Variants in SLC13A1 observed in about 807,000 individuals in gnomAD.
The protein encoded by SLC13A1 is solute carrier family 13 member 1.
SLC13A1 carries 65 observed loss-of-function variants against 70.0 expected under a neutral mutation model. The ratio of observed to expected loss-of-function variants is 0.93; its 90% CI spans 0.76 to 1.14. The LOEUF (loss-of-function observed/expected upper bound fraction) is 1.14, where lower values mean the gene tolerates loss of function less well. Among genes scored for constraint, SLC13A1 ranks in the 50% most tolerant of loss-of-function variants. SLC13A1 has a pLI of 0.00. For missense variants in SLC13A1, 726 were observed against 717.8 expected, an observed-to-expected ratio of 1.01 and a Z score of -0.13; for synonymous variants, 275 against 250.5, an observed-to-expected ratio of 1.10 and a Z score of -0.92.
At chr7:123,179,645 CCTTCCCTCCTG>C (rs1279053985) in intron 2 of SLC13A1, among the ~76,000 whole-genome samples, 1 of 152,096 alleles carries the variant, frequency 6.6e-6, no homozygotes, top group Non-Finnish European at 1.5e-5. Flanking sequence ...TCCCAGGCAC[CCTTCCCTCCTG>C]CTTCCCTCTA....
intron 12 of SLC13A1, among the ~76,000 whole-genome samples, chr7:123,122,788 A>G (rs28364217): frequency 5.9e-5 from 9 of 152,134 alleles, no homozygotes; most frequent in African/African-American, 2.2e-4. Context: ...GCAAACGAAA[A>G]GTATATTTCA....
chr7:123,139,498 G>T (rs984081105), intron 7 of SLC13A1, among the ~76,000 whole-genome samples: 2 of 151,832 alleles, frequency 1.3e-5, no homozygotes, highest in Non-Finnish European at 2.9e-5. Context: ...TCTGTAGATT[G>T]CTTTGAGTAG....
chr7:123,133,822 G>C (rs1264504582), intron 8 of SLC13A1, among the ~76,000 whole-genome samples: 2 of 151,708 alleles, frequency 1.3e-5, no homozygotes, highest in Admixed American at 6.6e-5. Context: ...GAGCCACTGT[G>C]CCTGGCCCTA....
chr7:123,130,813 G>T (rs12706490), intron 8 of SLC13A1, among the ~76,000 whole-genome samples: 35,193 of 151,992 alleles, frequency 0.23, 4,742 homozygotes, highest in East Asian at 0.37. Flanking sequence ...TAATTTTCCT[G>T]TTTATTTCCA....
rs552323366 is a variant in SLC13A1 at position 123,190,424 on chromosome 7, A to G, written c.100-9323T>C. 202 of 357,590 alleles carry G rather than the reference A, an allele frequency of 5.6e-4. 1 individual carries two copies. Among genetic ancestry groups the G allele is most frequent in the African/African-American group, 3.5e-3 (164 of 46,570 alleles). The allele number at this position is 357,590 out of a possible 1,614,324, so 22.2% of individuals were successfully genotyped here. A position where few individuals can be genotyped will look rare whatever the true frequency, so the allele number is the denominator to read the frequency against. On this transcript the variant is annotated intron_variant, in intron 1 of 14. Coordinates refer to ENST00000194130, the MANE Select transcript of SLC13A1 (RefSeq NM_022444.4). ...GCTTACTCTTTCCAGAATTGTTTAA[A>G]CTCCCTTTATGAGAGAAATGGCTGG...
intron 2 of SLC13A1, among the ~76,000 whole-genome samples, chr7:123,180,154 C>T (rs995124215): frequency 6.6e-6 from 1 of 152,068 alleles, no homozygotes; most frequent in African/African-American, 2.4e-5. Context: ...AAAAGATCGA[C>T]TGGGGCTCCA....
intron 1 of SLC13A1, among the ~76,000 whole-genome samples, chr7:123,193,967 C>T (rs994188535): frequency 2.0e-5 from 3 of 152,122 alleles, no homozygotes; most frequent in African/African-American, 7.2e-5. Context: ...TTCTCTCCTT[C>T]CTATCAGGTC....
At chr7:123,175,395 C>T (rs1281551611) in intron 2 of SLC13A1, among the ~76,000 whole-genome samples, 1 of 152,028 alleles carries the variant, frequency 6.6e-6, no homozygotes, top group African/African-American at 2.4e-5. Context: ...ATCTCTTTTG[C>T]AGTTTGGCTC....
At chr7:123,171,744 G>A in intron 3 of SLC13A1, 24 bp downstream of exon 3, 3 of 1,611,854 alleles carry the variant, frequency 1.9e-6, no homozygotes, top group Non-Finnish European at 2.5e-6. Flanking sequence ...CAGGTAAACT[G>A]GAAGCAGTAA....
chr7:123,134,012 A>AG (rs1423481781), intron 8 of SLC13A1, among the ~76,000 whole-genome samples: 8 of 151,558 alleles, frequency 5.3e-5, no homozygotes, highest in Non-Finnish European at 1.2e-4. Flanking sequence ...TGGTCCTTTT[A>AG]GGGGGGAGGT....
In SLC13A1 at chr7:123,129,489, G is replaced by A. The variant is rs761252575; in HGVS notation, c.933-8C>T. On this transcript the variant is annotated splice_region_variant and splice_polypyrimidine_tract_variant and intron_variant, in intron 8 of 14. Transcript: ENST00000194130. ...TTGAACATCTCCTTAAAACTGCAAA[G>A]AATAATTAAGCCTGTAAGCAAGAAA... 6.2e-6 allele frequency: 10 copies of A among 1,607,100 alleles called. No homozygotes were observed. In the East Asian group the frequency reaches 6.7e-5, roughly 11 times the overall value.
intron 6 of SLC13A1, 81 bp downstream of exon 6, chr7:123,168,293 G>A (rs28364230): frequency 4.4e-6 from 4 of 906,596 alleles, no homozygotes; most frequent in Non-Finnish European, 6.8e-6. Context: ...CAAGTGGCAG[G>A]TTTTAAAATG....
chr7:123,134,621 T>C, intron 7 of SLC13A1, 92 bp from the exon 8 acceptor site: 1 of 1,243,866 alleles, frequency 8.0e-7, no homozygotes, highest in Non-Finnish European at 1.1e-6. Flanking sequence ...ACCTCTTTCC[T>C]GTGTTTCTGT....
intron 3 of SLC13A1, 31 bp from the exon 4 acceptor site, chr7:123,169,366 G>A: frequency 6.3e-7 from 1 of 1,598,900 alleles, no homozygotes; most frequent in South Asian, 1.1e-5. Flanking sequence ...TTGTGGAGCT[G>A]TGCTCTTAGC....
At chr7:123,149,750 A>C (rs1285729047) in intron 6 of SLC13A1, 2 of 399,418 alleles carry the variant, frequency 5.0e-6, no homozygotes, top group Non-Finnish European at 9.9e-6. Flanking sequence ...TCTTCTTCCA[A>C]CTTTGCTGTT....
At chr7:123,198,901 G>A (rs1484520916) in intron 1 of SLC13A1, among the ~76,000 whole-genome samples, 1 of 152,070 alleles carries the variant, frequency 6.6e-6, no homozygotes, top group Admixed American at 6.6e-5. Context: ...CACTTACTGT[G>A]TGCCAGGCAC....
intron 6 of SLC13A1, chr7:123,149,306 A>C (rs142805218): frequency 1.4e-5 from 5 of 364,188 alleles, no homozygotes; most frequent in African/African-American, 1.1e-4. Context: ...AAACTTGATT[A>C]GGTAAAGAAA....
At chr7:123,190,487 G>A (rs1002144417) in intron 1 of SLC13A1, 6 of 451,886 alleles carry the variant, frequency 1.3e-5, no homozygotes, top group Admixed American at 9.5e-5. Context: ...AAGTAAGGGG[G>A]AAGGGTCCTT....
chr7:123,142,647 T>G (rs1402017535), intron 7 of SLC13A1, among the ~76,000 whole-genome samples: 1 of 144,506 alleles, frequency 6.9e-6, no homozygotes, highest in Non-Finnish European at 1.5e-5. Flanking sequence ...ACTTTTTTTT[T>G]TTTTTTTTGA....
Sources: allele counts gnomAD v4.1 joint callset (sites outside exome capture counted in the v4.1 genomes callset), GRCh38; gene constraint gnomAD v4.1.1; transcripts MANE v1.5; gene names NCBI Gene and HGNC (gene_info 2026-07-23, HGNC 2026-07-21).